The following MDGA2 variants were observed in gnomAD, a reference collection of about 807,000 sequenced individuals.
MDGA2 encodes the protein MAM domain containing glycosylphosphatidylinositol anchor 2, also known as MAM domain-containing glycosylphosphatidylinositol anchor protein 2.
A neutral mutation model predicts 117.8 loss-of-function variants in MDGA2; 40 were observed. The ratio of observed to expected loss-of-function variants is 0.34; its 90% confidence interval spans 0.26 to 0.44. MDGA2 has a LOEUF of 0.44. Ranked by LOEUF, MDGA2 falls within the 20% of genes least tolerant of loss-of-function variation. The pLI, the probability that MDGA2 is intolerant of heterozygous loss-of-function variation, is 1.00. For synonymous variants in MDGA2, 452 were observed against 439.0 expected (o/e 1.03, Z -0.37); for missense variants, 1,123 against 1,250.6 (o/e 0.90, Z 1.54).
rs141225242 is a variant in MDGA2, at chr14:47,594,792, A to G, written c.280+79725T>C. Among the ~76,000 whole-genome samples, 59 of 152,334 alleles carry G rather than the reference A, an allele frequency of 3.9e-4. 1 individual carries two copies. In the East Asian group the frequency reaches 0.01, roughly 26 times the overall value. On this transcript the variant is annotated intron_variant, in intron 1 of 16. Coordinates refer to ENST00000399232, the MANE Select transcript of MDGA2 (RefSeq NM_001113498.3). ...ATATGTATTGAGTGCCAACTGTGTAACCAGAACTGTGCTAGATGCTGGTGA... is the reference window on the plus strand; with the variant it reads ...ATATGTATTGAGTGCCAACTGTGTAGCCAGAACTGTGCTAGATGCTGGTGA...
chr14:46,917,311 T>C (rs1362402080), intron 10 of MDGA2, among the ~76,000 whole-genome samples: 2 of 152,346 alleles, frequency 1.3e-5, no homozygotes, highest in African/African-American at 4.8e-5. Context: ...AAAAAATCTG[T>C]ATACAACACT....
At chr14:47,066,181 G>A (rs1470736417) in intron 6 of MDGA2, among the ~76,000 whole-genome samples, 1 of 152,148 alleles carries the variant, frequency 6.6e-6, no homozygotes, top group Non-Finnish European at 1.5e-5. Flanking sequence ...ATAGGGCTGT[G>A]AACACCTGGG....
intron 2 of MDGA2, among the ~76,000 whole-genome samples, chr14:47,245,295 C>G (rs2139620674): frequency 6.6e-6 from 1 of 151,960 alleles, no homozygotes; most frequent in African/African-American, 2.4e-5. Flanking sequence ...TTATGATTTT[C>G]TTCATAACAG....
At chr14:47,433,757 T>C (rs1892844459) in intron 1 of MDGA2, among the ~76,000 whole-genome samples, 1 of 152,118 alleles carries the variant, frequency 6.6e-6, no homozygotes. Context: ...ATCATCTCTT[T>C]GTAATTCAAA....
intron 1 of MDGA2, among the ~76,000 whole-genome samples, chr14:47,644,308 G>A (rs1005049610): frequency 6.6e-6 from 1 of 152,132 alleles, no homozygotes; most frequent in Admixed American, 6.5e-5. Context: ...ATTCTTATAA[G>A]ATCAACCTAA....
chr14:47,564,347 T>G (rs1296897037), intron 1 of MDGA2, among the ~76,000 whole-genome samples: 1 of 152,160 alleles, frequency 6.6e-6, no homozygotes, highest in East Asian at 1.9e-4. Flanking sequence ...CTGGGCAATT[T>G]GCTAAAGAAA....
At chr14:47,390,517 T>A (rs1027695003) in intron 1 of MDGA2, among the ~76,000 whole-genome samples, 34 of 152,282 alleles carry the variant, frequency 2.2e-4, no homozygotes, top group Middle Eastern at 6.8e-3. Flanking sequence ...AATTACCAAA[T>A]TAAGTTAGGA....
chr14:47,489,166 A>G lies in MDGA2; in HGVS notation c.280+185351T>C, dbSNP rs1232411786. On this transcript the variant is annotated intron_variant, in intron 1 of 16. Transcript: ENST00000399232. Reference sequence around the variant, plus strand: ...AGGACTGACAAGATTTAATAAACATATAAATGGATAAAGAGAAATTAGTGC... The same window carrying G: ...AGGACTGACAAGATTTAATAAACATGTAAATGGATAAAGAGAAATTAGTGC... 2.0e-5 allele frequency among the ~76,000 whole-genome samples: 3 copies of G among 151,108 alleles called. No homozygotes were observed. The East Asian group carries it at 5.9e-4, about 30-fold the overall frequency.
intron 14 of MDGA2, among the ~76,000 whole-genome samples, chr14:46,864,177 C>A (rs1277145227): frequency 6.7e-6 from 1 of 149,130 alleles, no homozygotes; most frequent in Non-Finnish European, 1.5e-5. Flanking sequence ...GAGAAAGGGA[C>A]AGAAAAGTTT....
chr14:47,166,170 G>T (rs1250495852), intron 3 of MDGA2, among the ~76,000 whole-genome samples: 1 of 151,616 alleles, frequency 6.6e-6, no homozygotes, highest in Non-Finnish European at 1.5e-5. Context: ...CGAGTAGCTG[G>T]GACTACAGAT....
At chr14:47,312,814 G>A (rs1380990725) in intron 1 of MDGA2, among the ~76,000 whole-genome samples, 1 of 147,564 alleles carries the variant, frequency 6.8e-6, no homozygotes, top group Non-Finnish European at 1.5e-5. Flanking sequence ...TCAGGCATGA[G>A]CCACCATGCC....
chr14:47,280,309 C>A, intron 2 of MDGA2, among the ~76,000 whole-genome samples: 2 of 48,728 alleles, frequency 4.1e-5, no homozygotes, highest in Non-Finnish European at 7.0e-5. Context: ...AGTGAAACTC[C>A]ATCTCAAAAA....
intron 1 of MDGA2, among the ~76,000 whole-genome samples, chr14:47,347,858 A>G (rs997088607): frequency 6.6e-6 from 1 of 152,184 alleles, no homozygotes; most frequent in Non-Finnish European, 1.5e-5. Context: ...ACATATTGGT[A>G]TATAATGGGA....
chr14:47,036,267 C>CT (rs1448073942), intron 7 of MDGA2, among the ~76,000 whole-genome samples: 1 of 79,916 alleles, frequency 1.3e-5, no homozygotes, highest in Non-Finnish European at 2.3e-5. Flanking sequence ...CAGACTCTGT[C>CT]TCCAAAAAAA....
chr14:46,934,531 A>G (rs2138560411), intron 9 of MDGA2, among the ~76,000 whole-genome samples: 1 of 152,240 alleles, frequency 6.6e-6, no homozygotes. Flanking sequence ...GACACGTACT[A>G]CTGTCCTTGT....
chr14:47,201,007 A>G, intron 3 of MDGA2: 2 of 894,242 alleles, frequency 2.2e-6, no homozygotes, highest in Non-Finnish European at 3.8e-6. Context: ...TACGACCACC[A>G]CTTTCCTGCC....
chr14:47,004,959 A>C (rs1887659466), intron 8 of MDGA2, among the ~76,000 whole-genome samples: 1 of 151,672 alleles, frequency 6.6e-6, no homozygotes, highest in Admixed American at 6.6e-5. Flanking sequence ...TTGATATCTT[A>C]TTCTGCAACC....
Position 47,573,540 on chromosome 14 carries a change from C to T in MDGA2, c.280+100977G>A, listed in dbSNP as rs572747027. On this transcript the variant is annotated intron_variant, in intron 1 of 16. Coordinates refer to ENST00000399232, the MANE Select transcript of MDGA2 (RefSeq NM_001113498.3). ...AGAGTCTAATAGAAAACAAATCTTT[C>T]TCACGCTCAGTTTCCTTATCTGTGA... Among the ~76,000 whole-genome samples, 4 of 152,282 alleles carry T rather than the reference C, an allele frequency of 2.6e-5. No individual in the cohort carries two copies. In the South Asian group the frequency reaches 8.3e-4, roughly 32 times the overall value.
chr14:47,433,949 T>C (rs964803733), intron 1 of MDGA2, among the ~76,000 whole-genome samples: 3 of 152,146 alleles, frequency 2.0e-5, no homozygotes, highest in African/African-American at 7.2e-5. Flanking sequence ...GTGGTGGACA[T>C]ATCTGATATT....
Sources: gnomAD v4.1 joint callset for allele counts (sites outside exome capture counted in the v4.1 genomes callset) on GRCh38, gnomAD v4.1.1 for gene constraint, MANE v1.5 for transcripts, NCBI Gene and HGNC (gene_info 2026-07-23, HGNC 2026-07-21) for gene names.